GRN: variants seen among roughly 807,000 people sequenced by gnomAD.
GRN encodes the protein progranulin.
GRN carries 30 observed loss-of-function variants against 66.7 expected under a neutral mutation model. That is an observed-to-expected ratio of 0.45 (90% CI 0.34 to 0.61). The LOEUF (loss-of-function observed/expected upper bound fraction) is 0.61, where lower values mean the gene tolerates loss of function less well. Among genes scored for constraint, GRN ranks in the 20% least tolerant of loss-of-function variants. The pLI is 0.01. For synonymous variants in GRN, 327 were observed against 311.1 expected, an observed-to-expected ratio of 1.05 and a Z score of -0.54; for missense variants, 731 against 803.5, an observed-to-expected ratio of 0.91 and a Z score of 1.09.
chr17:44,350,005 A>T (rs2048356831), intron 4 of GRN: 1 of 653,920 alleles, frequency 1.5e-6, no homozygotes, highest in Admixed American at 2.2e-5. Context: ...TCTAATACCA[A>T]CCCATGGTCA....
chr17:44,350,595 C>T lies in GRN; in HGVS notation c.598+18C>T, dbSNP rs760283010. On this transcript the variant is annotated intron_variant, in intron 6 of 12. Coordinates refer to ENST00000053867, the MANE Select transcript of GRN (RefSeq NM_002087.4). ...CAGGGCAGGTGAGGAGGTGGGAGAGCATCAGGCCAGGGGCTGGGGCGGGGC... is the reference window on the plus strand; with the variant it reads ...CAGGGCAGGTGAGGAGGTGGGAGAGTATCAGGCCAGGGGCTGGGGCGGGGC... The T allele has an allele frequency of 1.2e-6, 2 of 1,613,294 alleles. No homozygotes were observed. The highest frequency in any genetic ancestry group is 1.7e-6 in the Non-Finnish European group (2 of 1,179,582).
intron 7 of GRN, 24 bp from the exon 8 acceptor site, chr17:44,351,013 A>C (rs772437404): frequency 1.2e-6 from 2 of 1,612,094 alleles, no homozygotes; most frequent in East Asian, 4.5e-5. Flanking sequence ...GAAGTGACAA[A>C]GACCCACCCC....
At chr17:44,351,835 G>T in intron 10 of GRN, 40 bp downstream of exon 10, 1 of 1,602,804 alleles carries the variant, frequency 6.2e-7, no homozygotes. Context: ...GGGCAGGTGG[G>T]TGGCCAAGCT....
At position 44,352,353 on chromosome 17, in the gene GRN, G is replaced by A. The variant is rs757831826; in HGVS notation, c.1426G>A (p.Glu476Lys). The change falls in exon 12 of 13, where the codon GAG (glutamate) becomes AAG (lysine). Residue 476 changes from glutamate (E) to lysine (K), a missense_variant. This residue lies in a region of GRN where 319 missense variants were observed against 347.2 expected (regional missense o/e 0.92). Transcript: ENST00000053867. Reference protein sequence around the residue: ...CCQLPHAVCCEDRQHCCPAGY... With the variant: ...CCQLPHAVCCKDRQHCCPAGY... The stretch of plus-strand genomic sequence containing the variant: ...CCTTCCCCGCCAGGCTGTGTGCTGC[G>A]AGGATCGCCAGCACTGCTGCCCGGC... The A allele has an allele frequency of 1.1e-5, 17 of 1,612,844 alleles. No individual in the cohort carries two copies. Among genetic ancestry groups the A allele is most frequent in the Non-Finnish European group, 1.4e-5 (16 of 1,179,616 alleles).
intron 1 of GRN, among the ~76,000 whole-genome samples, chr17:44,348,537 T>C (rs1415714712): frequency 6.6e-6 from 1 of 152,188 alleles, no homozygotes; most frequent in Non-Finnish European, 1.5e-5. Context: ...GGGACATTCA[T>C]GGGCAGATGG....
Position 44,353,059 on chromosome 17 carries a change from T to C in GRN, c.*261T>C, listed in dbSNP as rs943909013. The C allele has an allele frequency of 1.7e-5, 10 of 589,374 alleles. No individual in the cohort carries two copies. Among genetic ancestry groups the C allele is most frequent in the Non-Finnish European group, 3.0e-5 (10 of 329,640 alleles). 36.5% of individuals were successfully genotyped at this position (589,374 alleles called of 1,614,324 possible). A position where few individuals can be genotyped will look rare whatever the true frequency, so the allele number is the denominator to read the frequency against. ...GCTTTTCCCTATCCACAGGGGTGTTTGTGTGTGTGCGCGTGTGCGTTTCAA... is the reference window on the plus strand; with the variant it reads ...GCTTTTCCCTATCCACAGGGGTGTTCGTGTGTGTGCGCGTGTGCGTTTCAA... On this transcript the variant is annotated 3_prime_UTR_variant, in exon 13 of 13. Transcript: ENST00000053867.
In GRN at chr17:44,350,560, AGAG is replaced by A. The variant is rs1567886510; in HGVS notation, c.584_586del (p.Arg195del). The A allele has an allele frequency of 6.2e-7, 1 of 1,613,926 alleles. No individual in the cohort carries two copies. Among genetic ancestry groups the A allele is most frequent in the South Asian group, 1.1e-5 (1 of 91,086 alleles). On this transcript the variant is annotated inframe_deletion, in exon 6 of 13. Transcript: ENST00000053867. ...CCCCTGGCAAAGAAGCTCCCTGCCC[AGAG>A]GACTAACAGGGCAGGTGAGGAGGTG...
Position 44,352,728 on chromosome 17 carries a change from A to G in GRN, c.1712A>G (p.Lys571Arg), listed in dbSNP as rs145344570. 9 of 1,611,492 alleles carry G rather than the reference A, an allele frequency of 5.6e-6. No individual in the cohort carries two copies. The African/African-American group carries it at 1.2e-4, about 22-fold the overall frequency. ...AGFRCAARGT[K>R]CLRREAPRWD... ...TTCCGCTGCGCAGCCAGGGGTACCA[A>G]GTGTTTGCGCAGGGAGGCCCCGCGC... The change falls in exon 13 of 13, where the codon AAG becomes AGG. Residue 571 changes from lysine (K) to arginine (R), a missense_variant. This residue lies in a region of GRN where 319 missense variants were observed against 347.2 expected (regional missense o/e 0.92). Transcript: ENST00000053867.
In GRN at chr17:44,352,878, C is replaced by G; in HGVS notation, c.*80C>G. The G allele has an allele frequency of 1.5e-6, 2 of 1,378,426 alleles. No homozygotes were observed. The highest frequency in any genetic ancestry group is 2.0e-6 in the Non-Finnish European group (2 of 988,722). 85.4% of individuals were successfully genotyped at this position (1,378,426 alleles called of 1,614,324 possible). A position where few individuals can be genotyped will look rare whatever the true frequency, so the allele number is the denominator to read the frequency against. On this transcript the variant is annotated 3_prime_UTR_variant, in exon 13 of 13. Coordinates refer to ENST00000053867, the MANE Select transcript of GRN (RefSeq NM_002087.4). ...TGCTCAGGCCTCCCTAGCACCTCCC[C>G]CTAACCAAATTCTCCCTGGACCCCA...
chr17:44,349,623 A>G (rs1241426883), intron 3 of GRN, 44 bp from the exon 4 acceptor site: 1 of 1,610,954 alleles, frequency 6.2e-7, no homozygotes, highest in Non-Finnish European at 8.5e-7. Context: ...TACCACCTGC[A>G]GATAAAAGGG....
chr17:44,345,661 C>G (rs568080000), intron 1 of GRN: 31 of 153,014 alleles, frequency 2.0e-4, no homozygotes, highest in African/African-American at 7.5e-4. Flanking sequence ...CCGCGGCGGC[C>G]TGGAGCCGGA....
Position 44,352,151 on chromosome 17 carries a change from C to G in GRN, c.1316C>G (p.Pro439Arg), listed in dbSNP as rs149555221. 4 of 1,613,744 alleles carry G rather than the reference C, an allele frequency of 2.5e-6. No individual in the cohort carries two copies. In the African/African-American group the frequency reaches 5.3e-5, roughly 22 times the overall value. ...GCCCGCCGGGCTTCCTTATCCCACC[C>G]CAGAGACATCGGCTGTGACCAGCAC... ...MPARRASLSH[P>R]RDIGCDQHTS... The change falls in exon 11 of 13, where the codon CCC becomes CGC. Residue 439 changes from proline to arginine, a missense_variant. Around this residue, in one of 3 missense-constraint regions of GRN, gnomAD observed 319 missense variants for 347.2 expected, o/e 0.92. Coordinates refer to ENST00000053867, the MANE Select transcript of GRN (RefSeq NM_002087.4).
At chr17:44,349,392 A>G (rs1375784859) in intron 2 of GRN, 34 bp from the exon 3 acceptor site, 1 of 1,614,172 alleles carries the variant, frequency 6.2e-7, no homozygotes, top group Admixed American at 1.7e-5. Flanking sequence ...GCCAGGCACA[A>G]GTCTGTGGTT....
chr17:44,349,222 T>C lies in GRN; in HGVS notation c.58T>C (p.Cys20Arg), dbSNP rs542613543. ...AGCAGGGCTGGTGGCTGGAACGCGG[T>C]GCCCAGATGGTCAGTTCTGCCCTGT... ...LTAGLVAGTR[C>R]PDGQFCPVAC... Residue 20 changes from cysteine (C) to arginine (R), a missense_variant, in exon 2 of 13, where the codon TGC becomes CGC. Cys to Arg is a radical substitution (Grantham distance 180, BLOSUM62 -3). Around this residue, in one of 3 missense-constraint regions of GRN, gnomAD observed 370 missense variants for 379.8 expected, o/e 0.97. Transcript: ENST00000053867. 5.0e-6 allele frequency: 8 copies of C among 1,614,006 alleles called. No homozygotes were observed. In the East Asian group the frequency reaches 1.1e-4, roughly 22 times the overall value.
chr17:44,348,082 A>G (rs2048338662), intron 1 of GRN, among the ~76,000 whole-genome samples: 1 of 152,206 alleles, frequency 6.6e-6, no homozygotes, highest in Non-Finnish European at 1.5e-5. Flanking sequence ...AAAATAAAAT[A>G]AAAGTAAAGG....
rs769017159 is a variant in GRN, at chr17:44,350,256, C to T, written c.378C>T (p.Cys126=). The T allele has an allele frequency of 6.8e-6, 11 of 1,613,748 alleles. No homozygotes were observed. The East Asian group carries it at 2.5e-4, about 36-fold the overall frequency. The part of the protein sequence containing the change: ...SGNNSVGAIQ[C]PDSQFECPDF... ...ACAACTCCGTGGGTGCCATCCAGTGCCCTGATAGTCAGTTCGAATGCCCGG... is the reference window on the plus strand; with the variant it reads ...ACAACTCCGTGGGTGCCATCCAGTGTCCTGATAGTCAGTTCGAATGCCCGG... Residue 126 remains cysteine (C), a synonymous_variant, in exon 5 of 13, where the codon TGC becomes TGT. Transcript: ENST00000053867.
chr17:44,351,360 C>G lies in GRN; in HGVS notation c.836-3C>G. On this transcript the variant is annotated splice_polypyrimidine_tract_variant and splice_region_variant and intron_variant, in intron 8 of 12. Transcript: ENST00000053867. ...TGACCTGTCCTCTCTGCTTCCCTCA[C>G]AGTGGGGGATGTGAAATGTGACATG... The G allele has an allele frequency of 6.2e-7, 1 of 1,610,080 alleles. No individual in the cohort carries two copies. The highest frequency in any genetic ancestry group is 8.5e-7 in the Non-Finnish European group (1 of 1,176,310).
In GRN at chr17:44,351,274, C is replaced by T. The variant is rs1053119478; in HGVS notation, c.836-89C>T. On this transcript the variant is annotated intron_variant, in intron 8 of 12. Transcript: ENST00000053867. ...AAGCGGTACCCTCCATCTTCAACAC[C>T]TGGTTCCAGCTGTGGAGCCGGCAAA... The T allele has an allele frequency of 4.6e-6, 7 of 1,524,562 alleles. No homozygotes were observed. The East Asian group carries it at 1.6e-4, about 34-fold the overall frequency. 94.4% of individuals were successfully genotyped at this position (1,524,562 alleles called of 1,614,324 possible). A position where few individuals can be genotyped will look rare whatever the true frequency, so the allele number is the denominator to read the frequency against.
chr17:44,353,084 A>G lies in GRN; in HGVS notation c.*286A>G. ...TGTGTGTGTGCGCGTGTGCGTTTCAATAAAGTTTGTACACTTTCTTAACAG... is the reference window on the plus strand; with the variant it reads ...TGTGTGTGTGCGCGTGTGCGTTTCAGTAAAGTTTGTACACTTTCTTAACAG... On this transcript the variant is annotated 3_prime_UTR_variant, in exon 13 of 13. Coordinates refer to ENST00000053867, the MANE Select transcript of GRN (RefSeq NM_002087.4). 2 of 556,156 alleles carry G rather than the reference A, an allele frequency of 3.6e-6. No homozygotes were observed. Among genetic ancestry groups the G allele is most frequent in the Admixed American group, 6.2e-5 (2 of 32,278 alleles). 34.5% of individuals were successfully genotyped at this position (556,156 alleles called of 1,614,324 possible).
Sources: allele counts gnomAD v4.1 joint callset (sites outside exome capture counted in the v4.1 genomes callset), GRCh38; gene constraint gnomAD v4.1.1; regional missense constraint gnomAD v4.1.1; transcripts MANE v1.5; gene names NCBI Gene and HGNC (gene_info 2026-07-23, HGNC 2026-07-21).